GABRA2: variants seen among roughly 807,000 people sequenced by gnomAD.
GABRA2 encodes the protein gamma-aminobutyric acid receptor subunit alpha-2.
A neutral mutation model predicts 48.7 loss-of-function variants in GABRA2; 16 were observed. The ratio of observed to expected loss-of-function variants is 0.33; its 90% CI spans 0.22 to 0.50. The LOEUF is 0.50. GABRA2 is among the 20% of genes least tolerant of loss of function. The pLI is 0.98. For synonymous variants in GABRA2, 185 were observed against 184.5 expected, an observed-to-expected ratio of 1.00 and a Z score of -0.02; for missense variants, 275 against 535.6, an observed-to-expected ratio of 0.51 and a Z score of 4.80.
chr4:46,351,243 T>G (rs1735078587), intron 3 of GABRA2, among the ~76,000 whole-genome samples: 1 of 151,920 alleles, frequency 6.6e-6, no homozygotes, highest in African/African-American at 2.4e-5. Context: ...GCATAGGGTT[T>G]GGAGCTCAAA....
At position 46,246,550 on chromosome 4, in the gene GABRA2, T is replaced by G. The variant is rs1713744156; in HGVS notation, c.*3758A>C. 6.6e-6 allele frequency among the ~76,000 whole-genome samples: 1 copy of G among 151,074 alleles called. No individual in the cohort carries two copies. Among genetic ancestry groups the G allele is most frequent in the African/African-American group, 2.4e-5 (1 of 41,314 alleles). On this transcript the variant is annotated 3_prime_UTR_variant, in exon 10 of 10. Coordinates refer to ENST00000381620, the MANE Select transcript of GABRA2 (RefSeq NM_000807.4). Reference sequence around the variant, plus strand: ...GCACGAGGTGCCTATGGGACCTCAATTAAAAGGAAAATGAATGGCACTATA... The same window carrying G: ...GCACGAGGTGCCTATGGGACCTCAAGTAAAAGGAAAATGAATGGCACTATA...
chr4:46,361,973 T>C (rs1713274075), intron 3 of GABRA2, among the ~76,000 whole-genome samples: 1 of 152,246 alleles, frequency 6.6e-6, no homozygotes, highest in East Asian at 1.9e-4. Flanking sequence ...CACTATTGTA[T>C]CTAGGAAGTA....
At chr4:46,305,441 C>T (rs943479404) in intron 7 of GABRA2, 127 bp downstream of exon 7, 62 of 755,426 alleles carry the variant, frequency 8.2e-5, no homozygotes, top group Non-Finnish European at 1.2e-4. Flanking sequence ...AGCTCCCAAG[C>T]ACAGCCTATG....
chr4:46,309,875 A>C (rs1560509868), intron 6 of GABRA2, among the ~76,000 whole-genome samples: 1 of 152,122 alleles, frequency 6.6e-6, no homozygotes, highest in Admixed American at 6.6e-5. Flanking sequence ...ATATTCTAGC[A>C]CTTGAAAAAG....
chr4:46,346,010 T>C lies in GABRA2; in HGVS notation c.188-13328A>G, dbSNP rs79625735. ...TAATAATTTTGCTCATCTTGTATCA[T>C]AACTAGAATGTCACGCACACATTTT... On this transcript the variant is annotated intron_variant, in intron 3 of 9. Coordinates refer to ENST00000381620, the MANE Select transcript of GABRA2 (RefSeq NM_000807.4). 1.5e-3 allele frequency among the ~76,000 whole-genome samples: 226 copies of C among 152,060 alleles called. 3 individuals carry two copies. In the East Asian group the frequency reaches 0.037, roughly 25 times the overall value.
chr4:46,348,146 T>C (rs1463469643), intron 3 of GABRA2, among the ~76,000 whole-genome samples: 1 of 152,116 alleles, frequency 6.6e-6, no homozygotes, highest in Admixed American at 6.6e-5. Flanking sequence ...AAAGAAGACA[T>C]TTATGCAGCC....
chr4:46,372,749 C>T (rs978057608), intron 3 of GABRA2, among the ~76,000 whole-genome samples: 6 of 152,118 alleles, frequency 3.9e-5, no homozygotes, highest in African/African-American at 7.2e-5. Context: ...ATTAAACTCA[C>T]GGTATAAAAA....
Position 46,386,112 on chromosome 4 carries a change from A to G in GABRA2, c.149T>C (p.Leu50Pro). 1 of 1,611,928 alleles carries G rather than the reference A, an allele frequency of 6.2e-7. No individual in the cohort carries two copies. The highest frequency in any genetic ancestry group is 1.1e-5 in the South Asian group (1 of 90,556). ...TCTAAGCCGATTATCGTAACCATCC[A>G]GAAGTCTGTCAAGAATTCTCGTAAA... Reference protein sequence around the residue: ...TIFTRILDRLLDGYDNRLRPG... With the variant: ...TIFTRILDRLPDGYDNRLRPG... Residue 50 changes from leucine to proline, a missense_variant, in exon 3 of 10, where the codon CTG becomes CCG. Coordinates refer to ENST00000381620, the MANE Select transcript of GABRA2 (RefSeq NM_000807.4).
At chr4:46,272,915 A>C (rs887083471) in intron 8 of GABRA2, among the ~76,000 whole-genome samples, 5 of 151,954 alleles carry the variant, frequency 3.3e-5, no homozygotes, top group African/African-American at 1.2e-4. Flanking sequence ...TTTTATTATA[A>C]TGTAAGTTCT....
intron 4 of GABRA2, among the ~76,000 whole-genome samples, chr4:46,327,969 A>G (rs1730671961): frequency 6.6e-6 from 1 of 152,002 alleles, no homozygotes; most frequent in South Asian, 2.1e-4. Context: ...TAATACCTAT[A>G]CCTTAATAAT....
chr4:46,348,676 CA>C (rs1734584188), intron 3 of GABRA2, among the ~76,000 whole-genome samples: 1 of 147,028 alleles, frequency 6.8e-6, no homozygotes, highest in Non-Finnish European at 1.5e-5. Context: ...ATCACAAGGA[CA>C]AAAAACCAAA....
At position 46,244,903 on chromosome 4, in the gene GABRA2, TG is replaced by T. The variant is rs1159711599; in HGVS notation, c.*5404del. Among the ~76,000 whole-genome samples the T allele has an allele frequency of 6.7e-6, 1 of 149,750 alleles. No homozygotes were observed. The highest frequency in any genetic ancestry group is 1.5e-5 in the Non-Finnish European group (1 of 67,534). The stretch of plus-strand genomic sequence containing the variant: ...TATTGTTGAGTGTTTGCTTTTTACT[TG>T]TTTGTTTTGTTATGTAGAAAACCAT... On this transcript the variant is annotated 3_prime_UTR_variant, in exon 10 of 10. Transcript: ENST00000381620.
Position 46,360,665 on chromosome 4 carries a change from A to T in GABRA2, c.187+25409T>A, listed in dbSNP as rs1052625157. Reference sequence around the variant, plus strand: ...AAAGATACCCAAAAATGTGGAAAGGACTTTGGAACTGGGTAACAGGCAGAG... The same window carrying T: ...AAAGATACCCAAAAATGTGGAAAGGTCTTTGGAACTGGGTAACAGGCAGAG... On this transcript the variant is annotated intron_variant, in intron 3 of 9. Transcript: ENST00000381620. 4.6e-5 allele frequency among the ~76,000 whole-genome samples: 7 copies of T among 152,242 alleles called. No homozygotes were observed. In the East Asian group the frequency reaches 5.8e-4, roughly 13 times the overall value.
At chr4:46,328,137 A>G (rs752895338) in intron 4 of GABRA2, among the ~76,000 whole-genome samples, 1 of 152,048 alleles carries the variant, frequency 6.6e-6, no homozygotes, top group Non-Finnish European at 1.5e-5. Context: ...CATTTCAAAA[A>G]TTAATTACCT....
rs10938436 is a variant in GABRA2, at chr4:46,369,406, A to T, written c.187+16668T>A. Among the ~76,000 whole-genome samples, 659 of 152,280 alleles carry T rather than the reference A, an allele frequency of 4.3e-3. 9 individuals are homozygous for T. Among genetic ancestry groups the T allele is most frequent in the East Asian group, 0.042 (220 of 5,188 alleles). ...GAATAGGCCAATACATTATGTTGAT[A>T]CCTGTGGATTAGAGGATGGAGATTA... On this transcript the variant is annotated intron_variant, in intron 3 of 9. Transcript: ENST00000381620.
intron 3 of GABRA2, among the ~76,000 whole-genome samples, chr4:46,374,398 A>G (rs1560597946): frequency 6.6e-6 from 1 of 152,164 alleles, no homozygotes; most frequent in Non-Finnish European, 1.5e-5. Context: ...CCCTTTGCCA[A>G]CATAATGGAA....
intron 3 of GABRA2, among the ~76,000 whole-genome samples, chr4:46,342,171 C>G (rs1733353786): frequency 6.6e-6 from 1 of 152,042 alleles, no homozygotes; most frequent in Non-Finnish European, 1.5e-5. Context: ...GTTAAAATGA[C>G]ACAAAGCTCA....
chr4:46,273,496 TATATGC>T (rs1182019392), intron 8 of GABRA2, among the ~76,000 whole-genome samples: 61 of 27,762 alleles, frequency 2.2e-3, no homozygotes, highest in African/African-American at 7.2e-3. Context: ...TATATATATA[TATATGC>T]ATATATATAT....
chr4:46,370,921 C>A (rs376805342), intron 3 of GABRA2, among the ~76,000 whole-genome samples: 2 of 152,078 alleles, frequency 1.3e-5, no homozygotes, highest in East Asian at 3.9e-4. Context: ...CACACACACA[C>A]AAAACCACAG....
Sources: allele counts gnomAD v4.1 joint callset (sites outside exome capture counted in the v4.1 genomes callset), GRCh38; gene constraint gnomAD v4.1.1; transcripts MANE v1.5; gene names NCBI Gene and HGNC (gene_info 2026-07-23, HGNC 2026-07-21).